RNF17: variants seen among roughly 807,000 people sequenced by gnomAD.
The protein encoded by RNF17 is spermatogenesis associated 23.
A neutral mutation model predicts 200.5 loss-of-function variants in RNF17; 31 were observed. The ratio of observed to expected loss-of-function variants is 0.15; its 90% CI spans 0.12 to 0.21. The LOEUF (loss-of-function observed/expected upper bound fraction) is 0.21, where lower values mean the gene tolerates loss of function less well. RNF17 is among the 10% of genes least tolerant of loss of function. The probability of loss-of-function intolerance (pLI) is 1.00; values close to 1 mark genes in which losing one functional copy is unlikely to be tolerated. For missense variants in RNF17, 1,628 were observed against 1,905.1 expected, an observed-to-expected ratio of 0.85 and a Z score of 2.71; for synonymous variants, 606 against 637.8, an observed-to-expected ratio of 0.95 and a Z score of 0.75.
intron 2 of RNF17, among the ~76,000 whole-genome samples, chr13:24,772,023 C>T (rs183556557): frequency 1.4e-3 from 207 of 151,986 alleles, no homozygotes; most frequent in Non-Finnish European, 2.5e-3. Context: ...AAAGTGGGGG[C>T]GGTATATGTT....
chr13:24,871,798 A>AATTTTTG (rs1894286512), intron 32 of RNF17, among the ~76,000 whole-genome samples: 1 of 151,618 alleles, frequency 6.6e-6, no homozygotes, highest in South Asian at 2.1e-4. Flanking sequence ...ACGCCCAGCT[A>AATTTTTG]ATTTTTGTAT....
At chr13:24,811,009 C>A (rs1886537775) in intron 15 of RNF17, among the ~76,000 whole-genome samples, 1 of 152,006 alleles carries the variant, frequency 6.6e-6, no homozygotes, top group Non-Finnish European at 1.5e-5. Flanking sequence ...GCCGAGAGAT[C>A]CACTGTTAGT....
rs1295326755 is a variant in RNF17, at chr13:24,879,814, A to C, written c.*88A>C. The stretch of plus-strand genomic sequence containing the variant: ...CTATGTCTTATCTTTAGACTATTTC[A>C]GGCTTAATTTTCCTAACTTGTTCAG... On this transcript the variant is annotated 3_prime_UTR_variant, in exon 36 of 36. Transcript: ENST00000255324. The C allele has an allele frequency of 2.0e-5, 3 of 152,284 alleles. No homozygotes were observed. The highest frequency in any genetic ancestry group is 1.3e-4 in the Admixed American group (2 of 15,288). The allele number at this position is 152,284 out of a possible 1,614,324, so 9.4% of individuals were successfully genotyped here. A position where few individuals can be genotyped will look rare whatever the true frequency, so the allele number is the denominator to read the frequency against.
At chr13:24,788,803 A>G (rs1244485502) in intron 7 of RNF17, among the ~76,000 whole-genome samples, 1 of 152,130 alleles carries the variant, frequency 6.6e-6, no homozygotes, top group Non-Finnish European at 1.5e-5. Flanking sequence ...TGCTTTAGTC[A>G]TCTTTGAATC....
At position 24,864,950 on chromosome 13, in the gene RNF17, A is replaced by G. The variant is rs755022548; in HGVS notation, c.4053A>G (p.Ala1351=). The change falls in exon 29 of 36, where the codon GCA becomes GCG. Residue 1351 remains alanine, a synonymous_variant. Coordinates refer to ENST00000255324, the MANE Select transcript of RNF17 (RefSeq NM_031277.3). ...FDGMSLSYFM[A]YYKYCTSEHT... is the part of the protein sequence containing the mutation. ...GAATGTCACTTTCTTATTTTATGGC[A>G]TACTATAAATACTGTACTTCTGAAC... The G allele has an allele frequency of 1.4e-5, 22 of 1,561,746 alleles. No homozygotes were observed. Among genetic ancestry groups the G allele is most frequent in the Admixed American group, 3.8e-5 (2 of 52,714 alleles).
chr13:24,870,732 T>C lies in RNF17; in HGVS notation c.4440T>C (p.Phe1480=), dbSNP rs370896536. The change falls in exon 32 of 36, where the codon TTT becomes TTC. Residue 1480 remains phenylalanine, a synonymous_variant. Transcript: ENST00000255324. ...AGGCGCTTCCTCCTCTGACGGATTT[T>C]AGAACAGGTATACTTACTATATTTG... is the stretch of plus-strand genomic sequence containing the variant. ...KVEALPPLTD[F]RTEMPCLAEY... 465 of 1,613,744 alleles carry C rather than the reference T, an allele frequency of 2.9e-4. 6 individuals are homozygous for C. The South Asian group carries it at 4.8e-3, about 17-fold the overall frequency.
intron 24 of RNF17, among the ~76,000 whole-genome samples, chr13:24,853,643 T>A (rs1469930426): frequency 6.6e-6 from 1 of 152,196 alleles, no homozygotes; most frequent in Non-Finnish European, 1.5e-5. Flanking sequence ...ATATAGAAAT[T>A]TAAAACATTT....
intron 33 of RNF17, 92 bp downstream of exon 33, chr13:24,874,341 G>C (rs1894626954): frequency 9.2e-7 from 1 of 1,085,644 alleles, no homozygotes; most frequent in Non-Finnish European, 1.3e-6. Flanking sequence ...TAAAAGAAAA[G>C]GGTTATTCTA....
intron 2 of RNF17, among the ~76,000 whole-genome samples, chr13:24,767,998 C>T (rs912315382): frequency 1.4e-4 from 22 of 151,822 alleles, no homozygotes; most frequent in Non-Finnish European, 2.5e-4. Flanking sequence ...CCTGTTTTAC[C>T]CACCAATCCA....
downstream of RNF17, among the ~76,000 whole-genome samples, chr13:24,884,630 T>C (rs9578793): frequency 7.4e-4 from 112 of 152,312 alleles, 1 homozygote; most frequent in African/African-American, 2.6e-3. Context: ...TTTCTAATTT[T>C]CTCATTCCTT....
intron 1 of RNF17, among the ~76,000 whole-genome samples, chr13:24,766,229 T>C (rs1003170205): frequency 2.0e-5 from 3 of 152,208 alleles, no homozygotes; most frequent in Non-Finnish European, 2.9e-5. Context: ...AATAAATAAA[T>C]AAATAAAATT....
intron 25 of RNF17, 49 bp from the exon 26 acceptor site, chr13:24,858,948 CAAAT>C: frequency 8.7e-7 from 1 of 1,152,352 alleles, no homozygotes; most frequent in Non-Finnish European, 1.2e-6. Context: ...ATTAAATTGA[CAAAT>C]GATAGGGAAT....
At chr13:24,764,059 C>T, upstream of RNF17, 1 of 715,576 alleles carries the variant, frequency 1.4e-6, no homozygotes, top group Non-Finnish European at 2.3e-6. Flanking sequence ...AGCCCCAGCC[C>T]CATCAGGAGC....
chr13:24,765,409 G>A (rs1034081658), intron 1 of RNF17, among the ~76,000 whole-genome samples: 42 of 152,158 alleles, frequency 2.8e-4, no homozygotes, highest in African/African-American at 8.9e-4. Context: ...CTGAAAATTC[G>A]TATTACCTGG....
Position 24,851,441 on chromosome 13 carries a change from C to T in RNF17, c.3205-15C>T, listed in dbSNP as rs770347738. ...TTTGGTGTTTCATATTTACTCTGCTCTTAAATCACTACAGGAAAACAACAC... is the reference window on the plus strand; with the variant it reads ...TTTGGTGTTTCATATTTACTCTGCTTTTAAATCACTACAGGAAAACAACAC... On this transcript the variant is annotated splice_polypyrimidine_tract_variant and intron_variant, in intron 23 of 35. Transcript: ENST00000255324. The T allele has an allele frequency of 6.4e-7, 1 of 1,568,486 alleles. No homozygotes were observed. Among genetic ancestry groups the T allele is most frequent in the East Asian group, 2.2e-5 (1 of 44,592 alleles).
At chr13:24,807,417 T>G (rs1043866794) in intron 15 of RNF17, among the ~76,000 whole-genome samples, 1 of 152,224 alleles carries the variant, frequency 6.6e-6, no homozygotes, top group African/African-American at 2.4e-5. Flanking sequence ...GAGCATTTTT[T>G]CATGTGTCTT....
At chr13:24,830,731 ATG>A (rs1436953666) in intron 17 of RNF17, 132 bp downstream of exon 17, 5 of 670,750 alleles carry the variant, frequency 7.5e-6, no homozygotes, top group Non-Finnish European at 1.3e-5. Context: ...CTATAGATAA[ATG>A]TTGCTGTGGT....
rs200328286 is a variant in RNF17 at position 24,851,426 on chromosome 13, C to T, written c.3205-30C>T. 3.6e-4 allele frequency: 520 copies of T among 1,442,012 alleles called. 2 individuals carry two copies. The East Asian group carries it at 0.011, about 31-fold the overall frequency. The allele number at this position is 1,442,012 out of a possible 1,614,324, so 89.3% of individuals were successfully genotyped here. ...ATATGAAGATTTCATTTTGGTGTTT[C>T]ATATTTACTCTGCTCTTAAATCACT... On this transcript the variant is annotated intron_variant, in intron 23 of 35. Transcript: ENST00000255324.
chr13:24,885,437 G>T, the RNF17 span: 1 of 1,335,576 alleles, frequency 7.5e-7, no homozygotes, highest in Non-Finnish European at 1.1e-6. Flanking sequence ...TACTTCCAAA[G>T]CCAGATTCTG....
Sources: gnomAD v4.1 joint callset for allele counts (sites outside exome capture counted in the v4.1 genomes callset) on GRCh38, gnomAD v4.1.1 for gene constraint, MANE v1.5 for transcripts, NCBI Gene and HGNC (gene_info 2026-07-23, HGNC 2026-07-21) for gene names.